The following USP22 variants were observed in gnomAD, a reference collection of about 807,000 sequenced individuals.
USP22 encodes the protein ubiquitin carboxyl-terminal hydrolase 22.
In USP22, 22 loss-of-function variants were observed where a neutral mutation model predicts 68.1. The ratio of observed to expected loss-of-function variants is 0.32; its 90% CI spans 0.23 to 0.46. The LOEUF (loss-of-function observed/expected upper bound fraction) is 0.46. USP22 is among the 20% of genes least tolerant of loss of function. The pLI is 1.00. For missense variants in USP22, 433 were observed against 695.8 expected, an observed-to-expected ratio of 0.62 and a Z score of 4.25; for synonymous variants, 279 against 274.2, an observed-to-expected ratio of 1.02 and a Z score of -0.17.
intron 3 of USP22, among the ~76,000 whole-genome samples, chr17:21,020,047 A>ACACTGGG (rs1483994286): frequency 5.3e-5 from 8 of 152,186 alleles, no homozygotes; most frequent in Non-Finnish European, 1.2e-4. Flanking sequence ...CCTTCTCAAA[A>ACACTGGG]CACTGGGGTG....
In USP22 at chr17:21,002,933, G is replaced by A. The variant is rs1419287301; in HGVS notation, c.*98C>T. The A allele has an allele frequency of 2.7e-6, 4 of 1,466,810 alleles. No individual in the cohort carries two copies. Among genetic ancestry groups the A allele is most frequent in the Non-Finnish European group, 3.8e-6 (4 of 1,058,224 alleles). The allele number at this position is 1,466,810 out of a possible 1,614,324, so 90.9% of individuals were successfully genotyped here. On this transcript the variant is annotated 3_prime_UTR_variant, in exon 13 of 13. Coordinates refer to ENST00000261497, the MANE Select transcript of USP22 (RefSeq NM_015276.2). ...GGAGGTGGTGTCACCAGGCCGGGGA[G>A]GCGGCGGGAGACTTGGGGGAGGGGG... is the stretch of plus-strand genomic sequence containing the variant.
intron 12 of USP22, among the ~76,000 whole-genome samples, chr17:21,003,624 G>A (rs370706092): frequency 3.9e-5 from 6 of 152,268 alleles, no homozygotes; most frequent in East Asian, 1.9e-4. Flanking sequence ...GATGTGGGCC[G>A]GGCCCGGTGG....
chr17:21,034,545 T>C (rs1298600265), intron 1 of USP22, among the ~76,000 whole-genome samples: 1 of 152,138 alleles, frequency 6.6e-6, no homozygotes, highest in Admixed American at 6.5e-5. Flanking sequence ...CTGCCCGCCG[T>C]TCTGAGAAAC....
rs145086019 is a variant in USP22 at position 21,022,487 on chromosome 17, T to C, written c.305-1261A>G. 3.4e-3 allele frequency among the ~76,000 whole-genome samples: 525 copies of C among 152,286 alleles called. 5 individuals carry two copies. The highest frequency in any genetic ancestry group is 0.012 in the Admixed American group (179 of 15,296). On this transcript the variant is annotated intron_variant, in intron 2 of 12. Transcript: ENST00000261497. ...TGAGTGCCTGAAAAAAGGTACTCTCTCCATTCAACAATTTATAAACAACTG... is the reference window on the plus strand; with the variant it reads ...TGAGTGCCTGAAAAAAGGTACTCTCCCCATTCAACAATTTATAAACAACTG...
intron 6 of USP22, among the ~76,000 whole-genome samples, chr17:21,014,162 A>C (rs917499364): frequency 3.3e-5 from 5 of 152,278 alleles, no homozygotes; most frequent in Admixed American, 2.0e-4. Flanking sequence ...CCATGTGGCC[A>C]GGCCACCTCG....
intron 1 of USP22, among the ~76,000 whole-genome samples, chr17:21,033,337 G>A (rs1177778775): frequency 6.6e-6 from 1 of 152,134 alleles, no homozygotes; most frequent in Non-Finnish European, 1.5e-5. Context: ...ATTAGAAGAG[G>A]ATCAATTATT....
At chr17:21,024,564 G>C (rs1972197324) in intron 2 of USP22, among the ~76,000 whole-genome samples, 2 of 152,282 alleles carry the variant, frequency 1.3e-5, no homozygotes, top group South Asian at 4.1e-4. Context: ...CTAAATATGA[G>C]AACCAGAAAT....
intron 12 of USP22, 78 bp downstream of exon 12, chr17:21,004,124 C>T (rs1447631917): frequency 1.9e-6 from 3 of 1,558,430 alleles, no homozygotes; most frequent in Non-Finnish European, 2.6e-6. Context: ...TAGGCTCAGA[C>T]ATGGGCTAGT....
rs537945214 is a variant in USP22 at position 21,014,606 on chromosome 17, G to A, written c.838+1146C>T. Reference sequence around the variant, plus strand: ...TTAGCTCAACTGTGGGTTGTTTCTGGGCTGTGATCTCAGAACCCATAGGTT... The same window carrying A: ...TTAGCTCAACTGTGGGTTGTTTCTGAGCTGTGATCTCAGAACCCATAGGTT... On this transcript the variant is annotated intron_variant, in intron 6 of 12. Transcript: ENST00000261497. 2.0e-5 allele frequency among the ~76,000 whole-genome samples: 3 copies of A among 152,196 alleles called. No homozygotes were observed. In the South Asian group the frequency reaches 6.2e-4, roughly 32 times the overall value.
rs1328576670 is a variant in USP22, at chr17:21,042,712, A to G, written c.124T>C (p.Tyr42His). 1 of 1,447,022 alleles carries G rather than the reference A, an allele frequency of 6.9e-7. No individual in the cohort carries two copies. The highest frequency in any genetic ancestry group is 1.5e-5 in the African/African-American group (1 of 68,888). 89.6% of individuals were successfully genotyped at this position (1,447,022 alleles called of 1,614,324 possible). A position where few individuals can be genotyped will look rare whatever the true frequency, so the allele number is the denominator to read the frequency against. Reference protein sequence around the residue: ...DNWKQNLRAIYQCFVWSGTAE... With the variant: ...DNWKQNLRAIHQCFVWSGTAE... ...GTGCCGCTCCACACGAAGCACTGGT[A>G]GATGGCCCGCAGGTTCTGCTTCCAG... Residue 42 changes from tyrosine to histidine, a missense_variant, in exon 1 of 13, where the codon TAC (tyrosine) becomes CAC (histidine). This residue lies in a region of USP22 where 110 missense variants were observed against 89.9 expected (regional missense o/e 1.22). Transcript: ENST00000261497.
rs1386193485 is a variant in USP22, at chr17:21,008,920, C to T, written c.1104-924G>A. On this transcript the variant is annotated intron_variant, in intron 8 of 12. Transcript: ENST00000261497. Reference sequence around the variant, plus strand: ...AACCTGACCAACATAAGAGAAATTCCGTCTGTACTAAAAATACAAAATTAG... The same window carrying T: ...AACCTGACCAACATAAGAGAAATTCTGTCTGTACTAAAAATACAAAATTAG... Among the ~76,000 whole-genome samples, 14 of 151,772 alleles carry T rather than the reference C, an allele frequency of 9.2e-5. No individual in the cohort carries two copies. The East Asian group carries it at 1.2e-3, about 13-fold the overall frequency.
intron 7 of USP22, 200 bp from the exon 8 acceptor site, chr17:21,011,509 G>A (rs1414370660): frequency 4.8e-6 from 3 of 629,220 alleles, no homozygotes; most frequent in East Asian, 6.3e-5. Context: ...CTGGGGAGGG[G>A]TGTGTGTGAA....
intron 6 of USP22, among the ~76,000 whole-genome samples, chr17:21,015,115 G>A (rs1423076688): frequency 6.6e-6 from 1 of 152,182 alleles, no homozygotes; most frequent in Non-Finnish European, 1.5e-5. Context: ...GCCGATCTTG[G>A]CTCAAGTCAT....
At chr17:21,004,034 A>G (rs906127796) in intron 12 of USP22, among the ~76,000 whole-genome samples, 168 bp downstream of exon 12, 2 of 152,114 alleles carry the variant, frequency 1.3e-5, no homozygotes, top group African/African-American at 4.8e-5. Flanking sequence ...CTCCCACCTG[A>G]GCACCCATCG....
intron 1 of USP22, among the ~76,000 whole-genome samples, chr17:21,033,014 AT>A (rs1454083353): frequency 6.6e-6 from 1 of 151,332 alleles, no homozygotes. Flanking sequence ...CTTGAGACAC[AT>A]TTGCAGACGA....
In USP22 at chr17:21,034,543, C is replaced by T. The variant is rs547117987; in HGVS notation, c.172-5869G>A. On this transcript the variant is annotated intron_variant, in intron 1 of 12. Transcript: ENST00000261497. Reference sequence around the variant, plus strand: ...AATTCATAAGCTTTAAACTGCCCGCCGTTCTGAGAAACATGATGAAACTGA... The same window carrying T: ...AATTCATAAGCTTTAAACTGCCCGCTGTTCTGAGAAACATGATGAAACTGA... 4.6e-5 allele frequency among the ~76,000 whole-genome samples: 7 copies of T among 152,308 alleles called. No homozygotes were observed. In the East Asian group the frequency reaches 9.7e-4, roughly 21 times the overall value.
intron 4 of USP22, 86 bp from the exon 5 acceptor site, chr17:21,018,197 C>T: frequency 7.6e-7 from 1 of 1,315,176 alleles, no homozygotes; most frequent in Non-Finnish European, 1.0e-6. Context: ...TCTACCTCTA[C>T]ATACTCATTT....
intron 8 of USP22, among the ~76,000 whole-genome samples, chr17:21,009,545 A>G (rs2143533308): frequency 6.6e-6 from 1 of 152,320 alleles, no homozygotes; most frequent in South Asian, 2.1e-4. Flanking sequence ...CAGGCTTCCC[A>G]CACATTGTAG....
At chr17:21,043,303 C>CCCCCCCCCCCCCCCCCCG (rs1567596626), upstream of USP22, 1 of 53,672 alleles carries the variant, frequency 1.9e-5, no homozygotes, top group Non-Finnish European at 5.1e-5. Context: ...TAGGCCACCC[C>CCCCCCCCCCCCCCCCCCG]CCCCCCCCCC....
Sources: allele counts gnomAD v4.1 joint callset (sites outside exome capture counted in the v4.1 genomes callset), GRCh38; gene constraint gnomAD v4.1.1; regional missense constraint gnomAD v4.1.1; transcripts MANE v1.5; gene names NCBI Gene and HGNC (gene_info 2026-07-23, HGNC 2026-07-21).